Variants in SDHC observed in about 807,000 individuals in gnomAD.
SDHC encodes the protein succinate dehydrogenase complex subunit C.
A neutral mutation model predicts 22.6 loss-of-function variants in SDHC; 11 were observed. That is an observed-to-expected ratio of 0.49 (90% CI 0.31 to 0.81). SDHC has a LOEUF of 0.81. Ranked by LOEUF, SDHC falls within the 30% of genes least tolerant of loss-of-function variation. SDHC has a pLI of 0.05. For missense variants in SDHC, 160 were observed against 212.0 expected (o/e 0.75, Z 1.52); for synonymous variants, 80 against 77.8 (o/e 1.03, Z -0.15).
chr1:161,339,592 G>C, intron 3 of SDHC: 1 of 1,246,442 alleles, frequency 8.0e-7, no homozygotes, highest in Non-Finnish European at 1.0e-6. Context: ...GGTAAAGGTA[G>C]GGATCCTTCT....
At chr1:161,358,930 CAAA>C (rs59347827) in intron 5 of SDHC, among the ~76,000 whole-genome samples, 16,124 of 115,514 alleles carry the variant, frequency 0.14, 1,237 homozygotes, top group African/African-American at 0.28. Flanking sequence ...AATTCCGTCT[CAAA>C]AAAAAAAAAA....
At chr1:161,353,490 T>A (rs60405593) in intron 4 of SDHC, among the ~76,000 whole-genome samples, 1 of 152,076 alleles carries the variant, frequency 6.6e-6, no homozygotes, top group Non-Finnish European at 1.5e-5. Context: ...TGTCAAAGAC[T>A]CTGAACCCTC....
At chr1:161,338,010 T>C (rs116142413) in intron 3 of SDHC, among the ~76,000 whole-genome samples, 3,155 of 152,356 alleles carry the variant, frequency 0.021, 103 homozygotes, top group African/African-American at 0.072. Context: ...GGAGGCTGAC[T>C]GTGTCAGAAT....
intron 5 of SDHC, 139 bp from the exon 6 acceptor site, chr1:161,362,190 A>G (rs987581252): frequency 1.5e-5 from 15 of 1,009,680 alleles, no homozygotes; most frequent in Admixed American, 6.5e-5. Context: ...AAGGTGGGGC[A>G]TAAGGGTAGA....
chr1:161,323,312 T>TA (rs773045520), intron 1 of SDHC, among the ~76,000 whole-genome samples: 7 of 152,200 alleles, frequency 4.6e-5, no homozygotes, highest in Non-Finnish European at 8.8e-5. Context: ...ACCTAGCTTT[T>TA]AAAAAATCAC....
intron 4 of SDHC, among the ~76,000 whole-genome samples, chr1:161,352,910 G>A (rs976540471): frequency 6.6e-6 from 1 of 152,180 alleles, no homozygotes; most frequent in Non-Finnish European, 1.5e-5. Context: ...CTGGGAGGCG[G>A]AGGTTGCAGT....
intron 5 of SDHC, among the ~76,000 whole-genome samples, chr1:161,358,972 G>A (rs1197291329): frequency 6.6e-6 from 1 of 151,436 alleles, no homozygotes; most frequent in Non-Finnish European, 1.5e-5. Context: ...GGGGGTGGTG[G>A]CATGTGCCTG....
At chr1:161,356,391 T>C (rs1672272748) in intron 4 of SDHC, among the ~76,000 whole-genome samples, 2 of 152,024 alleles carry the variant, frequency 1.3e-5, no homozygotes, top group Admixed American at 6.6e-5. Context: ...ATACAAAAAT[T>C]AGCTGGGCGT....
At chr1:161,317,673 T>C (rs1670676296) in intron 1 of SDHC, among the ~76,000 whole-genome samples, 1 of 147,670 alleles carries the variant, frequency 6.8e-6, no homozygotes, top group Non-Finnish European at 1.5e-5. Context: ...GCGATTCTCC[T>C]GGCTCAGCCT....
At chr1:161,353,530 T>A (rs1336930703) in intron 4 of SDHC, among the ~76,000 whole-genome samples, 3 of 152,220 alleles carry the variant, frequency 2.0e-5, no homozygotes, top group African/African-American at 7.2e-5. Flanking sequence ...CAAATGTTCA[T>A]CAAACTGTTT....
intron 3 of SDHC, among the ~76,000 whole-genome samples, chr1:161,338,251 G>T (rs966517748): frequency 1.1e-4 from 16 of 152,132 alleles, no homozygotes; most frequent in Admixed American, 8.5e-4. Flanking sequence ...GAGTTGATCA[G>T]AGTGGTATCT....
intron 1 of SDHC, among the ~76,000 whole-genome samples, chr1:161,316,612 C>G (rs1378007292): frequency 6.6e-6 from 1 of 152,292 alleles, no homozygotes; most frequent in Non-Finnish European, 1.5e-5. Context: ...ATAGTCCACA[C>G]TAGGATTCAA....
chr1:161,316,962 A>G (rs1670638305), intron 1 of SDHC, among the ~76,000 whole-genome samples: 1 of 150,242 alleles, frequency 6.7e-6, no homozygotes, highest in South Asian at 2.1e-4. Context: ...TAAGAGAAAT[A>G]TTGGTTAAAC....
intron 4 of SDHC, among the ~76,000 whole-genome samples, chr1:161,346,104 C>T (rs1436475222): frequency 6.6e-6 from 1 of 152,148 alleles, no homozygotes; most frequent in Non-Finnish European, 1.5e-5. Flanking sequence ...CACGCCCAGC[C>T]AAATCTGCGT....
chr1:161,331,445 T>A (rs535383704), intron 3 of SDHC, among the ~76,000 whole-genome samples: 1 of 152,032 alleles, frequency 6.6e-6, no homozygotes, highest in Non-Finnish European at 1.5e-5. Flanking sequence ...TTTTGTATTT[T>A]TTTATAGACA....
intron 1 of SDHC, among the ~76,000 whole-genome samples, chr1:161,319,457 T>C (rs1670760682): frequency 2.0e-5 from 3 of 151,830 alleles, no homozygotes; most frequent in Admixed American, 2.0e-4. Context: ...GGTTTTGGTT[T>C]TTTTTTTGAG....
At chr1:161,343,205 ATC>A (rs2102341480) in intron 4 of SDHC, among the ~76,000 whole-genome samples, 1 of 152,262 alleles carries the variant, frequency 6.6e-6, no homozygotes, top group South Asian at 2.1e-4. Context: ...ACCCTGAAGG[ATC>A]TCTCCTAGGC....
intron 1 of SDHC, among the ~76,000 whole-genome samples, chr1:161,323,290 G>A (rs922978782): frequency 3.9e-5 from 6 of 151,940 alleles, no homozygotes; most frequent in African/African-American, 7.3e-5. Flanking sequence ...GAGCCAGCGC[G>A]CCTGGCCCAA....
intron 4 of SDHC, among the ~76,000 whole-genome samples, chr1:161,350,864 T>C (rs1332897843): frequency 6.6e-6 from 1 of 152,162 alleles, no homozygotes. Flanking sequence ...TTAATTGCCT[T>C]ATACTCTGCT....
Sources: gnomAD v4.1 joint callset for allele counts (sites outside exome capture counted in the v4.1 genomes callset) on GRCh38, gnomAD v4.1.1 for gene constraint, MANE v1.5 for transcripts, NCBI Gene and HGNC (gene_info 2026-07-23, HGNC 2026-07-21) for gene names.